Variants in RPSA2 observed in about 807,000 individuals in gnomAD.
RPSA2 encodes the protein ribosomal protein SA 2, also known as small ribosomal subunit protein uS2B.
the RPSA2 span, among the ~76,000 whole-genome samples, chr19:23,792,248 T>G: frequency 6.6e-6 from 1 of 152,178 alleles, no homozygotes; most frequent in Non-Finnish European, 1.5e-5. Context: ...GCCCAGTGAC[T>G]CCAAGCTGAG....
chr19:23,845,273 A>ATTT, the RPSA2 span, among the ~76,000 whole-genome samples: 2 of 143,124 alleles, frequency 1.4e-5, no homozygotes. Context: ...GTTCTGATTT[A>ATTT]TGTTTTTTTT....
the RPSA2 span, among the ~76,000 whole-genome samples, chr19:23,760,701 G>T: frequency 1.6e-4 from 24 of 146,182 alleles, 1 homozygote; most frequent in South Asian, 5.0e-3. Flanking sequence ...GTCTTGCTGT[G>T]TTGCCCAGGC....
chr19:23,824,576 A>ATTTTTTTTTTTTT, the RPSA2 span, among the ~76,000 whole-genome samples: 2 of 21,822 alleles, frequency 9.2e-5, no homozygotes, highest in African/African-American at 3.7e-4. Flanking sequence ...TCATTATAGC[A>ATTTTTTTTTTTTT]TTTCTTTTTT....
At chr19:23,853,443 G>A in the RPSA2 span, among the ~76,000 whole-genome samples, 1 of 152,182 alleles carries the variant, frequency 6.6e-6, no homozygotes. Context: ...GAAACCAATT[G>A]AGTTAAAGCC....
the RPSA2 span, among the ~76,000 whole-genome samples, chr19:23,825,421 T>A: frequency 6.6e-6 from 1 of 152,206 alleles, no homozygotes; most frequent in Admixed American, 6.5e-5. Flanking sequence ...TGGAAGAAAG[T>A]CAAATATGAA....
the RPSA2 span, chr19:23,758,777 T>G: frequency 6.2e-7 from 1 of 1,614,162 alleles, no homozygotes; most frequent in Non-Finnish European, 8.5e-7. Context: ...ACCTGGCGTC[T>G]TAGCTATGGA....
the RPSA2 span, among the ~76,000 whole-genome samples, chr19:23,849,512 G>T: frequency 9.2e-5 from 14 of 152,312 alleles, no homozygotes; most frequent in South Asian, 4.1e-4. Context: ...CATACTCACA[G>T]CCCGGACATG....
chr19:23,786,021 C>T, the RPSA2 span, among the ~76,000 whole-genome samples: 1 of 152,160 alleles, frequency 6.6e-6, no homozygotes, highest in African/African-American at 2.4e-5. Flanking sequence ...TAATACAATC[C>T]ACAGTTAAAA....
At chr19:23,829,403 G>T in the RPSA2 span, among the ~76,000 whole-genome samples, 1 of 152,166 alleles carries the variant, frequency 6.6e-6, no homozygotes, top group African/African-American at 2.4e-5. Context: ...CTGGGTTCAA[G>T]CAATTTACCT....
the RPSA2 span, among the ~76,000 whole-genome samples, chr19:23,829,898 A>G: frequency 1.3e-5 from 2 of 152,132 alleles, no homozygotes; most frequent in Non-Finnish European, 2.9e-5. Context: ...GTGAATTTGC[A>G]TATTTTTTCT....
the RPSA2 span, among the ~76,000 whole-genome samples, chr19:23,855,552 G>A: frequency 6.6e-6 from 1 of 152,142 alleles, no homozygotes; most frequent in African/African-American, 2.4e-5. Flanking sequence ...AATAAGCGTT[G>A]GGTGGAAGTT....
At chr19:23,846,427 GATTT>G in the RPSA2 span, among the ~76,000 whole-genome samples, 216 of 151,890 alleles carry the variant, frequency 1.4e-3, no homozygotes, top group African/African-American at 5.0e-3. Context: ...GTCCTATTGT[GATTT>G]ATTTATTTCT....
the RPSA2 span, among the ~76,000 whole-genome samples, chr19:23,813,825 C>T: frequency 3.7e-3 from 547 of 148,776 alleles, 4 homozygotes; most frequent in South Asian, 0.012. Context: ...CAGGTTCAAG[C>T]GATTCTCCTG....
the RPSA2 span, among the ~76,000 whole-genome samples, chr19:23,804,261 A>G: frequency 3.4e-3 from 516 of 151,996 alleles, 1 homozygote; most frequent in African/African-American, 0.011. Context: ...AAGACTGCTG[A>G]ATATAAGGGA....
the RPSA2 span, among the ~76,000 whole-genome samples, chr19:23,786,442 C>CT: frequency 6.6e-6 from 1 of 152,042 alleles, no homozygotes; most frequent in African/African-American, 2.4e-5. Context: ...TTTGACTCTT[C>CT]TTTTTTTGGG....
the RPSA2 span, among the ~76,000 whole-genome samples, chr19:23,866,021 G>A: frequency 6.6e-6 from 1 of 152,206 alleles, no homozygotes; most frequent in African/African-American, 2.4e-5. Context: ...GTGCAGACCA[G>A]GCTAGGCAGA....
At chr19:23,786,917 T>C in the RPSA2 span, among the ~76,000 whole-genome samples, 3 of 151,982 alleles carry the variant, frequency 2.0e-5, no homozygotes, top group Non-Finnish European at 4.4e-5. Flanking sequence ...ATCTTCTGCT[T>C]GCACCCTGCC....
chr19:23,866,523 G>A, the RPSA2 span, among the ~76,000 whole-genome samples: 599 of 79,342 alleles, frequency 7.5e-3, 2 homozygotes, highest in African/African-American at 0.019. Flanking sequence ...GCCCCCCCCC[G>A]CCCAGTGGAA....
At chr19:23,859,159 A>G in the RPSA2 span, among the ~76,000 whole-genome samples, 1 of 152,212 alleles carries the variant, frequency 6.6e-6, no homozygotes, top group Non-Finnish European at 1.5e-5. Context: ...TTAATTTATT[A>G]GTTAAAATTG....
Sources: gnomAD v4.1 joint callset for allele counts (sites outside exome capture counted in the v4.1 genomes callset) on GRCh38, gnomAD v4.1.1 for gene constraint, MANE v1.5 for transcripts, NCBI Gene and HGNC (gene_info 2026-07-23, HGNC 2026-07-21) for gene names.